The following TRPC3 variants were observed in gnomAD, a reference collection of about 807,000 sequenced individuals.
The protein encoded by TRPC3 is transient receptor potential cation channel subfamily C member 3, also known as short transient receptor potential channel 3.
TRPC3 carries 54 observed loss-of-function variants against 90.9 expected under a neutral mutation model. That is an observed-to-expected ratio of 0.59 (90% CI 0.48 to 0.75). The LOEUF (loss-of-function observed/expected upper bound fraction) is 0.75, where lower values mean the gene tolerates loss of function less well. Ranked by LOEUF, TRPC3 falls within the 30% of genes least tolerant of loss-of-function variation. TRPC3 has a pLI of 0.00. For missense variants in TRPC3, 918 were observed against 1,194.5 expected, an observed-to-expected ratio of 0.77 and a Z score of 3.41; for synonymous variants, 424 against 450.9, an observed-to-expected ratio of 0.94 and a Z score of 0.75.
chr4:121,904,291 G>A (rs778298796), intron 8 of TRPC3, 31 bp downstream of exon 8: 1 of 1,574,564 alleles, frequency 6.4e-7, no homozygotes, highest in Admixed American at 1.9e-5. Flanking sequence ...GGATGACAAG[G>A]ATAGATACTA....
chr4:121,884,434 T>C (rs1728041773), intron 10 of TRPC3, among the ~76,000 whole-genome samples: 1 of 152,120 alleles, frequency 6.6e-6, no homozygotes, highest in Non-Finnish European at 1.5e-5. Context: ...TAGGTGTGAA[T>C]GTAATTATGC....
At chr4:121,897,442 C>T (rs1313027386) in intron 10 of TRPC3, among the ~76,000 whole-genome samples, 3 of 70,620 alleles carry the variant, frequency 4.2e-5, no homozygotes, top group Admixed American at 4.7e-4. Flanking sequence ...GGAACTCAAT[C>T]ATCTCAACAG....
rs1297116223 is a variant in TRPC3, at chr4:121,932,294, C to T, written c.964G>A (p.Ala322Thr). ...ACCTTGAACTCCTTCTCTATGTTGG[C>T]CAGCTTGGCCAGCTCGTTGCTGAGC... ...LELSNELAKL[A>T]NIEKEFKNDY... The change falls in exon 2 of 12, where the codon GCC (alanine) becomes ACC (threonine). Residue 322 changes from alanine (A) to threonine (T), a missense_variant. By Grantham distance (58) the Ala-to-Thr change is moderately conservative. Transcript: ENST00000379645. The surrounding 1 kb of genome is among the most constrained non-coding windows in gnomAD (Gnocchi z 7.7). 7 of 1,614,014 alleles carry T rather than the reference C, an allele frequency of 4.3e-6. No homozygotes were observed. The highest frequency in any genetic ancestry group is 3.3e-5 in the Admixed American group (2 of 60,030).
chr4:121,920,350 C>T (rs750860960), intron 3 of TRPC3, among the ~76,000 whole-genome samples: 1 of 151,732 alleles, frequency 6.6e-6, no homozygotes, highest in Admixed American at 6.6e-5. Context: ...GGTAAAACCC[C>T]GTCTCTACTA....
intron 1 of TRPC3, among the ~76,000 whole-genome samples, chr4:121,944,185 G>C (rs1013961323): frequency 2.0e-5 from 3 of 152,108 alleles, no homozygotes; most frequent in African/African-American, 7.2e-5. Context: ...CAGTAGAGGG[G>C]AGAGGGTTGA....
Position 121,912,100 on chromosome 4 carries a change from C to T in TRPC3, c.1342-7G>A. 6.2e-7 allele frequency: 1 copy of T among 1,611,770 alleles called. No individual in the cohort carries two copies. The highest frequency in any genetic ancestry group is 1.3e-5 in the African/African-American group (1 of 74,922). ...TTCGCAGAATTTTCCCCAGCTGTAA[C>T]AAACCAAAGAGGAAAAGTTTGCTTC... On this transcript the variant is annotated splice_polypyrimidine_tract_variant and splice_region_variant and intron_variant, in intron 4 of 11. Coordinates refer to ENST00000379645, the MANE Select transcript of TRPC3 (RefSeq NM_001130698.2).
intron 2 of TRPC3, among the ~76,000 whole-genome samples, chr4:121,929,477 G>T (rs563166200): frequency 4.6e-5 from 7 of 152,082 alleles, no homozygotes; most frequent in Non-Finnish European, 8.8e-5. Context: ...ATAAATGACT[G>T]GCTTCCTTGC....
At chr4:121,945,508 C>T (rs182383791) in intron 1 of TRPC3, among the ~76,000 whole-genome samples, 48 of 152,274 alleles carry the variant, frequency 3.2e-4, no homozygotes, top group Admixed American at 1.0e-3. Context: ...GTTCCAACTA[C>T]AGTGGCTGTT....
At chr4:121,924,324 G>C (rs1209664772) in intron 3 of TRPC3, among the ~76,000 whole-genome samples, 1 of 152,168 alleles carries the variant, frequency 6.6e-6, no homozygotes, top group African/African-American at 2.4e-5. Context: ...AGTTTACAGA[G>C]TGCTTTTGCA....
intron 1 of TRPC3, chr4:121,933,278 T>G: frequency 1.4e-6 from 1 of 715,452 alleles, no homozygotes; most frequent in Non-Finnish European, 1.9e-6. Context: ...AAAGCTCCTA[T>G]TCTCTAGAAA....
intron 10 of TRPC3, among the ~76,000 whole-genome samples, chr4:121,885,088 C>A (rs1258814477): frequency 6.6e-6 from 1 of 152,158 alleles, no homozygotes; most frequent in Non-Finnish European, 1.5e-5. Flanking sequence ...AGTGCTGAGA[C>A]AAGTTGAGCC....
intron 10 of TRPC3, among the ~76,000 whole-genome samples, chr4:121,885,599 A>T (rs989691480): frequency 4.6e-5 from 7 of 152,184 alleles, no homozygotes; most frequent in Non-Finnish European, 8.8e-5. Flanking sequence ...TTATTCTTTC[A>T]TTATTATCTA....
At chr4:121,898,069 A>G (rs1241397489) in intron 10 of TRPC3, among the ~76,000 whole-genome samples, 2 of 152,244 alleles carry the variant, frequency 1.3e-5, no homozygotes. Flanking sequence ...TAAGCACCGC[A>G]TGTTCTAACT....
intron 1 of TRPC3, among the ~76,000 whole-genome samples, chr4:121,950,078 C>G (rs1222636901): frequency 2.0e-5 from 3 of 152,142 alleles, no homozygotes. Flanking sequence ...GCGCTTTCAT[C>G]CCAAAGGATA....
At chr4:121,906,129 TG>T (rs1476275272) in intron 7 of TRPC3, among the ~76,000 whole-genome samples, 1 of 152,070 alleles carries the variant, frequency 6.6e-6, no homozygotes, top group Non-Finnish European at 1.5e-5. Context: ...CTTACATAAT[TG>T]TCACAACGAC....
At chr4:121,889,383 A>T (rs573543866) in intron 10 of TRPC3, among the ~76,000 whole-genome samples, 1 of 152,344 alleles carries the variant, frequency 6.6e-6, no homozygotes, top group African/African-American at 2.4e-5. Context: ...AACAGCAAAA[A>T]ACAAGTAATC....
intron 10 of TRPC3, among the ~76,000 whole-genome samples, chr4:121,890,770 T>A (rs1301392913): frequency 6.6e-6 from 1 of 151,904 alleles, no homozygotes; most frequent in East Asian, 1.9e-4. Context: ...GATGGGTGGA[T>A]CATGAGGTCA....
chr4:121,943,924 G>GT (rs75269797), intron 1 of TRPC3, among the ~76,000 whole-genome samples: 6,199 of 151,188 alleles, frequency 0.041, 438 homozygotes, highest in African/African-American at 0.14. Context: ...TTTTTAATAG[G>GT]TTTTTTTTTA....
At chr4:121,908,225 T>C (rs1364771205) in intron 6 of TRPC3, among the ~76,000 whole-genome samples, 1 of 152,146 alleles carries the variant, frequency 6.6e-6, no homozygotes, top group African/African-American at 2.4e-5. Context: ...CAATGAAATA[T>C]TATGTGGTTA....
Sources: allele counts gnomAD v4.1 joint callset (sites outside exome capture counted in the v4.1 genomes callset), GRCh38; gene constraint gnomAD v4.1.1; non-coding constraint Gnocchi (gnomAD v3.1); transcripts MANE v1.5; gene names NCBI Gene and HGNC (gene_info 2026-07-23, HGNC 2026-07-21).